Variants in IGSF5 observed in about 807,000 individuals in gnomAD.
The protein encoded by IGSF5 is immunoglobulin superfamily 5 like.
In IGSF5, 41 loss-of-function variants were observed where a neutral mutation model predicts 39.4. That is an observed-to-expected ratio of 1.04 (90% CI 0.81 to 1.35). The LOEUF (loss-of-function observed/expected upper bound fraction) is 1.35, where lower values mean the gene tolerates loss of function less well. IGSF5 is among the 40% of genes most tolerant of loss of function. The probability of loss-of-function intolerance (pLI) is 0.00; values close to 1 mark genes in which losing one functional copy is unlikely to be tolerated. For synonymous variants in IGSF5, 183 were observed against 175.3 expected, an observed-to-expected ratio of 1.04 and a Z score of -0.34; for missense variants, 487 against 494.6, an observed-to-expected ratio of 0.98 and a Z score of 0.15.
intron 6 of IGSF5, 169 bp from the exon 7 acceptor site, chr21:39,791,839 G>T (rs1007887299): frequency 1.7e-5 from 10 of 576,158 alleles, no homozygotes; most frequent in African/African-American, 1.5e-4. Flanking sequence ...GTAGGCAGGC[G>T]TGCATACCTG....
At chr21:39,772,252 C>T (rs1223083152) in intron 4 of IGSF5, among the ~76,000 whole-genome samples, 1 of 152,162 alleles carries the variant, frequency 6.6e-6, no homozygotes, top group Non-Finnish European at 1.5e-5. Context: ...TGGGATTGTG[C>T]ACACGTCTGT....
upstream of IGSF5, among the ~76,000 whole-genome samples, chr21:39,743,876 G>T (rs1479333296): frequency 2.0e-5 from 3 of 152,152 alleles, no homozygotes; most frequent in Admixed American, 2.0e-4. Context: ...TACTGCAGAA[G>T]AATATAAGTC....
chr21:39,760,212 G>A (rs147277512), intron 2 of IGSF5, among the ~76,000 whole-genome samples: 3 of 152,204 alleles, frequency 2.0e-5, no homozygotes, highest in Non-Finnish European at 2.9e-5. Context: ...CAGCCACCAT[G>A]TTTATTCACT....
chr21:39,750,815 C>T (rs1023818297), intron 2 of IGSF5, among the ~76,000 whole-genome samples: 3 of 152,210 alleles, frequency 2.0e-5, no homozygotes, highest in Middle Eastern at 3.2e-3. Context: ...TTCCACCAGC[C>T]GCTGGGCCTT....
At position 39,786,503 on chromosome 21, in the gene IGSF5, G is replaced by C. The variant is rs1275889807; in HGVS notation, c.935-1664G>C. Among the ~76,000 whole-genome samples the C allele has an allele frequency of 1.0e-4, 14 of 137,314 alleles. No individual in the cohort carries two copies. The South Asian group carries it at 2.8e-3, about 27-fold the overall frequency. 90.1% of individuals were successfully genotyped at this position (137,314 alleles called of 152,430 possible). A position where few individuals can be genotyped will look rare whatever the true frequency, so the allele number is the denominator to read the frequency against. ...GGAGAAATAGGAACACTTTTACACT[G>C]TTGGTGGGACTGTAAACTAGTTCAA... On this transcript the variant is annotated intron_variant, in intron 5 of 8. Transcript: ENST00000380588.
chr21:39,800,558 G>A (rs913733689), intron 8 of IGSF5, among the ~76,000 whole-genome samples: 3 of 152,212 alleles, frequency 2.0e-5, no homozygotes, highest in South Asian at 2.1e-4. Flanking sequence ...AATTAAGAGC[G>A]TGAGCCAGAG....
chr21:39,723,949 C>G, the IGSF5 span, among the ~76,000 whole-genome samples: 2 of 152,032 alleles, frequency 1.3e-5, no homozygotes, highest in Non-Finnish European at 2.9e-5. Flanking sequence ...GAGTTCAAGA[C>G]AAGCCTGGCT....
At chr21:39,789,337 A>G (rs534752378) in intron 6 of IGSF5, among the ~76,000 whole-genome samples, 4 of 152,216 alleles carry the variant, frequency 2.6e-5, no homozygotes, top group African/African-American at 9.6e-5. Context: ...GTATATCTTG[A>G]GTGCCTGATG....
chr21:39,748,599 C>A (rs1312562172), intron 2 of IGSF5, among the ~76,000 whole-genome samples: 2 of 152,032 alleles, frequency 1.3e-5, no homozygotes, highest in Admixed American at 6.6e-5. Context: ...GGACCTGAGT[C>A]CCATCACGAG....
rs2080016299 is a variant in IGSF5, at chr21:39,753,653, G to GTTTTAAA, written c.100+7355_100+7356insTTTTAAA. ...TAGTAATTGTTTTTAAAATCTGGGTGCTCCATTGTTAGGTGCATATAAATT... is the reference window on the plus strand; with the variant it reads ...TAGTAATTGTTTTTAAAATCTGGGTGTTTTAAACTCCATTGTTAGGTGCATATAAATT... On this transcript the variant is annotated intron_variant, in intron 2 of 8. Transcript: ENST00000380588. Among the ~76,000 whole-genome samples, 3 of 152,054 alleles carry GTTTTAAA rather than the reference G, an allele frequency of 2.0e-5. No homozygotes were observed. The South Asian group carries it at 6.2e-4, about 32-fold the overall frequency.
chr21:39,793,609 A>T lies in IGSF5; in HGVS notation c.1124A>T (p.His375Leu). The part of the protein sequence containing the change: ...EQRNSSCGPP[H>L]QRADQRPPRP... ...AGAAACAGTAGCTGTGGCCCTCCTC[A>T]CCAGGTAGTTTAGACCATTTTCCCC... The change falls in exon 8 of 9, where the codon CAC becomes CTC. Residue 375 changes from histidine to leucine, a missense_variant. His to Leu is a moderately conservative substitution (Grantham distance 99). Coordinates refer to ENST00000380588, the MANE Select transcript of IGSF5 (RefSeq NM_001080444.2). 1.2e-6 allele frequency: 2 copies of T among 1,613,320 alleles called. No individual in the cohort carries two copies. Among genetic ancestry groups the T allele is most frequent in the Non-Finnish European group, 1.7e-6 (2 of 1,179,396 alleles).
At chr21:39,727,471 A>G in the IGSF5 span, among the ~76,000 whole-genome samples, 6 of 152,332 alleles carry the variant, frequency 3.9e-5, no homozygotes, top group East Asian at 1.2e-3. Context: ...GTCTGGGGAT[A>G]ATGATGACTG....
At position 39,770,973 on chromosome 21, in the gene IGSF5, G is replaced by A; in HGVS notation, c.476G>A (p.Cys159Tyr). Reference protein sequence around the residue: ...VNLVVAENEPCEVTCLPSHWT... With the variant: ...VNLVVAENEPYEVTCLPSHWT... ...CTTGTAGTCGCTGAGAATGAACCTTGTGAAGTTACTTGTCTACCCTCACAC... is the reference window on the plus strand; with the variant it reads ...CTTGTAGTCGCTGAGAATGAACCTTATGAAGTTACTTGTCTACCCTCACAC... The change falls in exon 4 of 9, where the codon TGT (cysteine) becomes TAT (tyrosine). Residue 159 changes from cysteine to tyrosine, a missense_variant. Coordinates refer to ENST00000380588, the MANE Select transcript of IGSF5 (RefSeq NM_001080444.2). 1 of 1,611,074 alleles carries A rather than the reference G, an allele frequency of 6.2e-7. No individual in the cohort carries two copies. Among genetic ancestry groups the A allele is most frequent in the South Asian group, 1.1e-5 (1 of 90,260 alleles).
the IGSF5 span, among the ~76,000 whole-genome samples, chr21:39,737,634 C>T: frequency 2.4e-4 from 36 of 152,288 alleles, no homozygotes; most frequent in African/African-American, 7.5e-4. Context: ...ATGCGCAGGG[C>T]GAGGGATGTG....
At chr21:39,746,526 C>T (rs185824259) in intron 2 of IGSF5, among the ~76,000 whole-genome samples, 2 of 152,182 alleles carry the variant, frequency 1.3e-5, no homozygotes, top group Middle Eastern at 3.4e-3. Flanking sequence ...TATCCTAATC[C>T]CTTTCAGCAT....
upstream of IGSF5, among the ~76,000 whole-genome samples, chr21:39,743,139 C>T (rs915208553): frequency 4.6e-5 from 7 of 152,148 alleles, no homozygotes; most frequent in East Asian, 1.9e-4. Context: ...CAAATGTCTG[C>T]GGCACCAATC....
At chr21:39,724,662 G>T in the IGSF5 span, among the ~76,000 whole-genome samples, 1 of 152,182 alleles carries the variant, frequency 6.6e-6, no homozygotes, top group Non-Finnish European at 1.5e-5. Flanking sequence ...TCTTTCTTTT[G>T]TAAATTGCCC....
chr21:39,739,905 G>C, the IGSF5 span, among the ~76,000 whole-genome samples: 1 of 152,088 alleles, frequency 6.6e-6, no homozygotes, highest in Non-Finnish European at 1.5e-5. Context: ...TATGGCCTGG[G>C]GATACTTCTT....
chr21:39,797,143 C>T (rs1162615301), intron 8 of IGSF5, among the ~76,000 whole-genome samples: 1 of 152,110 alleles, frequency 6.6e-6, no homozygotes, highest in Non-Finnish European at 1.5e-5. Context: ...AGAATACCTT[C>T]CATGCCCAGC....
Sources: allele counts gnomAD v4.1 joint callset (sites outside exome capture counted in the v4.1 genomes callset), GRCh38; gene constraint gnomAD v4.1.1; transcripts MANE v1.5; gene names NCBI Gene and HGNC (gene_info 2026-07-23, HGNC 2026-07-21).